Variants in GRM5 observed in about 807,000 individuals in gnomAD.
GRM5 encodes metabotropic glutamate receptor 5.
In GRM5, 19 loss-of-function variants were observed where a neutral mutation model predicts 83.1. The ratio of observed to expected loss-of-function variants is 0.23; its 90% confidence interval spans 0.16 to 0.34. The LOEUF is 0.34. GRM5 is among the 10% of genes least tolerant of loss of function. GRM5 has a pLI of 1.00. For synonymous variants in GRM5, 675 were observed against 633.6 expected, an observed-to-expected ratio of 1.07 and a Z score of -0.98; for missense variants, 1,160 against 1,588.3, an observed-to-expected ratio of 0.73 and a Z score of 4.58.
At chr11:88,601,563 G>T (rs1309687008) in intron 5 of GRM5, among the ~76,000 whole-genome samples, 1 of 151,806 alleles carries the variant, frequency 6.6e-6, no homozygotes, top group Non-Finnish European at 1.5e-5. Context: ...AAGAAATTTG[G>T]CTTTGTGCAA....
Position 89,040,630 on chromosome 11 carries a change from G to C in GRM5, c.661+6582C>G, listed in dbSNP as rs772962132. Among the ~76,000 whole-genome samples the C allele has an allele frequency of 3.3e-5, 5 of 152,148 alleles. No individual in the cohort carries two copies. The East Asian group carries it at 7.7e-4, about 24-fold the overall frequency. On this transcript the variant is annotated intron_variant, in intron 2 of 9. Coordinates refer to ENST00000305447, the MANE Select transcript of GRM5 (RefSeq NM_001143831.3). Reference sequence around the variant, plus strand: ...CCAGGAGGATCGTTTGAGACCAAGAGGTTGAGACTGCAGTGATCTATGACC... The same window carrying C: ...CCAGGAGGATCGTTTGAGACCAAGACGTTGAGACTGCAGTGATCTATGACC...
At chr11:88,686,068 A>T (rs185740132) in intron 3 of GRM5, among the ~76,000 whole-genome samples, 106 of 152,190 alleles carry the variant, frequency 7.0e-4, no homozygotes, top group Non-Finnish European at 1.2e-3. Context: ...GTCTCCCTGA[A>T]AAAGCTTCAG....
chr11:88,995,182 T>C (rs1438518640), intron 2 of GRM5, among the ~76,000 whole-genome samples: 1 of 152,028 alleles, frequency 6.6e-6, no homozygotes, highest in Non-Finnish European at 1.5e-5. Context: ...AGCATCCACA[T>C]GTAACAAGAT....
intron 3 of GRM5, among the ~76,000 whole-genome samples, chr11:88,767,188 C>T (rs980124382): frequency 4.0e-5 from 6 of 151,868 alleles, no homozygotes; most frequent in African/African-American, 1.4e-4. Flanking sequence ...ATAAAAGATG[C>T]TGGTGAAGTT....
At chr11:89,033,397 G>A (rs530735348) in intron 2 of GRM5, among the ~76,000 whole-genome samples, 1 of 151,814 alleles carries the variant, frequency 6.6e-6, no homozygotes, top group Non-Finnish European at 1.5e-5. Context: ...AATTACTTCA[G>A]CATTAATTTC....
intron 8 of GRM5, among the ~76,000 whole-genome samples, chr11:88,542,365 AAAC>A (rs1303377503): frequency 3.3e-5 from 2 of 61,284 alleles, no homozygotes; most frequent in Non-Finnish European, 1.0e-4. Flanking sequence ...AAAAAGGAAA[AAAC>A]AAACAAACAA....
intron 3 of GRM5, among the ~76,000 whole-genome samples, chr11:88,697,984 T>C (rs1353802): frequency 0.19 from 28,330 of 152,080 alleles, 5,156 homozygotes; most frequent in African/African-American, 0.46. Flanking sequence ...TTCAAATCCA[T>C]CTGCTTTTCT....
intron 5 of GRM5, 99 bp from the exon 6 acceptor site, chr11:88,597,451 A>G (rs1034951124): frequency 1.4e-5 from 9 of 633,886 alleles, no homozygotes; most frequent in Non-Finnish European, 2.1e-5. Context: ...CTATTGTCAT[A>G]TAAGTAGCAC....
chr11:88,867,708 T>C (rs1238312114), intron 2 of GRM5, among the ~76,000 whole-genome samples: 1 of 151,576 alleles, frequency 6.6e-6, no homozygotes, highest in African/African-American at 2.4e-5. Context: ...GAAATAGACA[T>C]GCACATTATC....
chr11:88,743,553 C>T (rs1368153852), intron 3 of GRM5, among the ~76,000 whole-genome samples: 3 of 152,094 alleles, frequency 2.0e-5, no homozygotes, highest in Non-Finnish European at 2.9e-5. Context: ...ATGGTGACCT[C>T]CTCATAGAAG....
chr11:88,844,253 A>G (rs1190895514), intron 3 of GRM5, among the ~76,000 whole-genome samples: 1 of 152,088 alleles, frequency 6.6e-6, no homozygotes, highest in Non-Finnish European at 1.5e-5. Flanking sequence ...ATTATGTTAC[A>G]TGTATTACTG....
chr11:88,995,482 T>C (rs1199536922), intron 2 of GRM5, among the ~76,000 whole-genome samples: 1 of 142,980 alleles, frequency 7.0e-6, no homozygotes, highest in African/African-American at 2.7e-5. Context: ...GAGGTAGAGG[T>C]TGCAATGAGC....
chr11:88,516,174 A>C (rs1365338337), intron 9 of GRM5, among the ~76,000 whole-genome samples: 1 of 152,222 alleles, frequency 6.6e-6, no homozygotes, highest in African/African-American at 2.4e-5. Flanking sequence ...AAAGTGAACT[A>C]TATGATCTTG....
At chr11:88,639,392 TTCTTGTC>T (rs1939228394) in intron 4 of GRM5, among the ~76,000 whole-genome samples, 1 of 152,144 alleles carries the variant, frequency 6.6e-6, no homozygotes, top group East Asian at 1.9e-4. Flanking sequence ...CATCTTTTAT[TTCTTGTC>T]TCTTGAGAAT....
intron 3 of GRM5, among the ~76,000 whole-genome samples, chr11:88,742,723 T>C (rs146470600): frequency 2.0e-5 from 3 of 152,244 alleles, no homozygotes; most frequent in African/African-American, 7.2e-5. Flanking sequence ...AGAAAAGGAA[T>C]GTTTTTGTCC....
chr11:88,999,149 AGG>A (rs1290519161), intron 2 of GRM5, among the ~76,000 whole-genome samples: 1 of 152,228 alleles, frequency 6.6e-6, no homozygotes, highest in Non-Finnish European at 1.5e-5. Flanking sequence ...AAGAAAACCT[AGG>A]CAATATCATT....
intron 7 of GRM5, among the ~76,000 whole-genome samples, chr11:88,583,255 C>A (rs950086408): frequency 3.9e-5 from 6 of 152,146 alleles, no homozygotes; most frequent in Non-Finnish European, 5.9e-5. Context: ...ATCCTCTGCT[C>A]CCTCCTTGAT....
intron 2 of GRM5, among the ~76,000 whole-genome samples, chr11:88,905,199 A>C (rs535199173): frequency 3.3e-5 from 5 of 152,222 alleles, no homozygotes; most frequent in Non-Finnish European, 7.3e-5. Context: ...AAGAATGTGG[A>C]AATTAACATC....
chr11:88,860,371 A>T (rs1246976368), intron 2 of GRM5, among the ~76,000 whole-genome samples: 4 of 152,122 alleles, frequency 2.6e-5, no homozygotes, highest in African/African-American at 9.7e-5. Context: ...GTCTCATTAA[A>T]AGTAATTCCA....
Sources: allele counts gnomAD v4.1 joint callset (sites outside exome capture counted in the v4.1 genomes callset), GRCh38; gene constraint gnomAD v4.1.1; transcripts MANE v1.5; gene names NCBI Gene and HGNC (gene_info 2026-07-23, HGNC 2026-07-21).